The following ZNF518A variants were observed in gnomAD, a reference collection of about 807,000 sequenced individuals.
ZNF518A encodes zinc finger protein 518A, also known as zinc finger protein 518.
In ZNF518A, 47 loss-of-function variants were observed where a neutral mutation model predicts 102.7. The ratio of observed to expected loss-of-function variants is 0.46; its 90% confidence interval spans 0.36 to 0.58. ZNF518A has a LOEUF of 0.58. ZNF518A is among the 20% of genes least tolerant of loss of function. The pLI is 0.00. For synonymous variants in ZNF518A, 652 were observed against 594.6 expected, an observed-to-expected ratio of 1.10 and a Z score of -1.40; for missense variants, 1,793 against 1,699.8, an observed-to-expected ratio of 1.05 and a Z score of -0.96.
chr10:96,191,579 A>G lies in ZNF518A; in HGVS notation n.36-11995A>G, dbSNP rs140514737. On this transcript the variant is annotated intron_variant and non_coding_transcript_variant, in intron 1 of 2. Transcript: ENST00000442635. Reference sequence around the variant, plus strand: ...TTTAACCAAGACTTAATTGTCAAGCATTGGCAGTGGAGAGCCCAGCTACAT... The same window carrying G: ...TTTAACCAAGACTTAATTGTCAAGCGTTGGCAGTGGAGAGCCCAGCTACAT... 2.9e-5 allele frequency: 5 copies of G among 173,022 alleles called. No individual in the cohort carries two copies. The East Asian group carries it at 8.4e-4, about 29-fold the overall frequency. The allele number at this position is 173,022 out of a possible 1,614,324, so 10.7% of individuals were successfully genotyped here.
intron 3 of ZNF518A, among the ~76,000 whole-genome samples, chr10:96,138,023 CTCTT>C (rs59145386): frequency 0.029 from 4,407 of 152,232 alleles, 199 homozygotes; most frequent in African/African-American, 0.098. Context: ...CTTGACATGT[CTCTT>C]TCTTTCAGAG....
At chr10:96,131,348 G>C (rs1336114103) in intron 1 of ZNF518A, among the ~76,000 whole-genome samples, 1 of 152,154 alleles carries the variant, frequency 6.6e-6, no homozygotes, top group African/African-American at 2.4e-5. Context: ...CATTTAAATT[G>C]ATTCAGTGAA....
chr10:96,132,353 T>G (rs2081381409), intron 1 of ZNF518A, among the ~76,000 whole-genome samples: 2 of 152,040 alleles, frequency 1.3e-5, no homozygotes, highest in South Asian at 4.1e-4. Context: ...TTTCTTTTTC[T>G]TGTAATAAAT....
At chr10:96,141,583 T>C (rs1478685941) in intron 3 of ZNF518A, among the ~76,000 whole-genome samples, 5 of 152,206 alleles carry the variant, frequency 3.3e-5, no homozygotes, top group Non-Finnish European at 7.3e-5. Context: ...TAATTTTTAA[T>C]TTTAAACTCC....
intron 1 of ZNF518A, among the ~76,000 whole-genome samples, chr10:96,174,039 A>T (rs2083189228): frequency 2.0e-5 from 3 of 152,148 alleles, no homozygotes; most frequent in Admixed American, 1.3e-4. Flanking sequence ...TCTTGAGGTT[A>T]ATAAAAGAAA....
chr10:96,142,305 G>GGTGTGTGTGTGTGTGTGTGT (rs60624825), intron 3 of ZNF518A, among the ~76,000 whole-genome samples: 1 of 104,048 alleles, frequency 9.6e-6, no homozygotes, highest in Admixed American at 9.9e-5. Context: ...ATATTCTTAG[G>GGTGTGTGTGTGTGTGTGTGT]GTGTGTGTGT....
In ZNF518A at chr10:96,133,706, T is replaced by G. The variant is rs141489682; in HGVS notation, c.-302+58T>G. ...GGAATAAGATTATTTATGTAACTGC[T>G]GAAATAGCTGACATAGACTATACCA... On this transcript the variant is annotated intron_variant, in intron 3 of 5. Coordinates refer to ENST00000316045, the MANE Select transcript of ZNF518A (RefSeq NM_001330736.2). 2.4e-3 allele frequency: 365 copies of G among 152,320 alleles called. 3 individuals carry two copies. The highest frequency in any genetic ancestry group is 8.3e-3 in the African/African-American group (343 of 41,574). 9.4% of individuals were successfully genotyped at this position (152,320 alleles called of 1,614,324 possible). A position where few individuals can be genotyped will look rare whatever the true frequency, so the allele number is the denominator to read the frequency against.
rs587691484 is a variant in ZNF518A at position 96,133,184 on chromosome 10, C to T, written c.-367-399C>T. 2.0e-5 allele frequency among the ~76,000 whole-genome samples: 3 copies of T among 152,164 alleles called. No homozygotes were observed. The East Asian group carries it at 5.8e-4, about 29-fold the overall frequency. On this transcript the variant is annotated intron_variant, in intron 2 of 5. Coordinates refer to ENST00000316045, the MANE Select transcript of ZNF518A (RefSeq NM_001330736.2). The stretch of plus-strand genomic sequence containing the variant: ...ATCATCCTTCTGAATAGAAAAGTGG[C>T]ATTAAAGTCTTCTGGGTAATGAACA...
rs1554888528 is a variant in ZNF518A, at chr10:96,162,380, T to TTG, written c.*1606_*1607insTG. On this transcript the variant is annotated 3_prime_UTR_variant, in exon 6 of 6. Coordinates refer to ENST00000316045, the MANE Select transcript of ZNF518A (RefSeq NM_001330736.2). ...TTCTTCAGGGATTGAACACTATTGT[T>TTG]AGCAAGTGCCTAAAAAAGATGTGAA... 1.8e-5 allele frequency: 3 copies of TTG among 167,028 alleles called. No homozygotes were observed. Among genetic ancestry groups the TTG allele is most frequent in the Admixed American group, 6.5e-5 (1 of 15,292 alleles). The allele number at this position is 167,028 out of a possible 1,614,324, so 10.3% of individuals were successfully genotyped here.
chr10:96,139,881 G>A (rs1160979186), intron 3 of ZNF518A, among the ~76,000 whole-genome samples: 2 of 152,050 alleles, frequency 1.3e-5, no homozygotes, highest in Non-Finnish European at 2.9e-5. Flanking sequence ...TTTTCGAGAC[G>A]GAGTTTTGCT....
Position 96,132,606 on chromosome 10 carries a change from C to T in ZNF518A, c.-432C>T, listed in dbSNP as rs1591087132. On this transcript the variant is annotated 5_prime_UTR_variant, in exon 2 of 6. Coordinates refer to ENST00000316045, the MANE Select transcript of ZNF518A (RefSeq NM_001330736.2). ...TCCAGATATCATCTCTTCTTTTGAT[C>T]ACTGTTCCTGATTGTGACATTGTGC... 1 of 150,922 alleles carries T rather than the reference C, an allele frequency of 6.6e-6. No homozygotes were observed. Among genetic ancestry groups the T allele is most frequent in the East Asian group, 2.0e-4 (1 of 5,110 alleles). 9.3% of individuals were successfully genotyped at this position (150,922 alleles called of 1,614,324 possible).
At position 96,157,976 on chromosome 10, in the gene ZNF518A, T is replaced by A. The variant is rs1357966220; in HGVS notation, c.1654T>A (p.Ser552Thr). Residue 552 changes from serine (S) to threonine (T), a missense_variant, in exon 6 of 6, where the codon TCT becomes ACT. Ser to Thr is a moderately conservative substitution (Grantham distance 58, BLOSUM62 1). Around this residue, in one of 3 missense-constraint regions of ZNF518A, gnomAD observed 1,741 missense variants for 1,622.6 expected, o/e 1.07. Coordinates refer to ENST00000316045, the MANE Select transcript of ZNF518A (RefSeq NM_001330736.2). The stretch of plus-strand genomic sequence containing the variant: ...AATGGATTATGAGAAAAGTGTATCT[T>A]CTTTGTCAGCAACATCAGAATTGGT... ...QTMDYEKSVS[S>T]LSATSELVTA... 43 of 1,613,716 alleles carry A rather than the reference T, an allele frequency of 2.7e-5. No homozygotes were observed. The highest frequency in any genetic ancestry group is 3.6e-5 in the Non-Finnish European group (42 of 1,179,802).
At chr10:96,154,906 A>C (rs74151274) in intron 3 of ZNF518A, among the ~76,000 whole-genome samples, 4,691 of 152,286 alleles carry the variant, frequency 0.031, 242 homozygotes, top group East Asian at 0.17. Context: ...TGATTCCCTC[A>C]GTAAAGGATT....
At chr10:96,197,765 C>G (rs1554895049) in intron 1 of ZNF518A, among the ~76,000 whole-genome samples, 1 of 151,568 alleles carries the variant, frequency 6.6e-6, no homozygotes, top group East Asian at 1.9e-4. Flanking sequence ...GAAAAAAAAT[C>G]CCTAGCCGGG....
At chr10:96,150,777 C>T (rs1490319574) in intron 3 of ZNF518A, among the ~76,000 whole-genome samples, 2 of 67,410 alleles carry the variant, frequency 3.0e-5, no homozygotes, top group African/African-American at 6.6e-5. Flanking sequence ...GACAGAGTCT[C>T]ACTCTGTCAC....
Position 96,157,361 on chromosome 10 carries a change from G to T in ZNF518A, c.1039G>T (p.Val347Leu), listed in dbSNP as rs944826744. The T allele has an allele frequency of 6.2e-7, 1 of 1,610,710 alleles. No homozygotes were observed. The highest frequency in any genetic ancestry group is 1.1e-5 in the South Asian group (1 of 90,526). Reference protein sequence around the residue: ...SDRSIEKNTQVLKKMNKTQTK... With the variant: ...SDRSIEKNTQLLKKMNKTQTK... Reference sequence around the variant, plus strand: ...CAGAAGTATAGAAAAGAACACTCAAGTGCTTAAGAAAATGAACAAAACACA... The same window carrying T: ...CAGAAGTATAGAAAAGAACACTCAATTGCTTAAGAAAATGAACAAAACACA... The change falls in exon 6 of 6, where the codon GTG becomes TTG. Residue 347 changes from valine to leucine, a missense_variant. Physicochemically the swap from Val to Leu is conservative, Grantham distance 32. Transcript: ENST00000316045.
At chr10:96,186,818 T>G (rs2083274508) in intron 1 of ZNF518A, among the ~76,000 whole-genome samples, 2 of 152,252 alleles carry the variant, frequency 1.3e-5, no homozygotes, top group Non-Finnish European at 2.9e-5. Flanking sequence ...ACCAAATAAC[T>G]TGCGCTAAAC....
intron 1 of ZNF518A, among the ~76,000 whole-genome samples, chr10:96,198,585 A>G (rs376609151): frequency 7.9e-4 from 121 of 152,376 alleles, no homozygotes; most frequent in African/African-American, 2.7e-3. Context: ...AGAGCTTCAT[A>G]CAGAACAACA....
chr10:96,148,695 CA>C (rs1323093359), intron 3 of ZNF518A, among the ~76,000 whole-genome samples: 1 of 152,124 alleles, frequency 6.6e-6, no homozygotes, highest in Non-Finnish European at 1.5e-5. Context: ...GAATCTGGCC[CA>C]GTGCTTCTCC....
Sources: allele counts gnomAD v4.1 joint callset (sites outside exome capture counted in the v4.1 genomes callset), GRCh38; gene constraint gnomAD v4.1.1; regional missense constraint gnomAD v4.1.1; transcripts MANE v1.5; gene names NCBI Gene and HGNC (gene_info 2026-07-23, HGNC 2026-07-21).